The following TMEM132D variants were observed in gnomAD, a reference collection of about 807,000 sequenced individuals.
TMEM132D encodes transmembrane protein 132D.
Under a neutral mutation model 62.3 loss-of-function variants are expected in TMEM132D, and 21 were observed. The observed-to-expected ratio is 0.34, with a 90% confidence interval of 0.24 to 0.49. The LOEUF is 0.49. Ranked by LOEUF, TMEM132D falls within the 20% of genes least tolerant of loss-of-function variation. The pLI, the probability that TMEM132D is intolerant of heterozygous loss-of-function variation, is 0.99. For synonymous variants in TMEM132D, 621 were observed against 575.6 expected, an observed-to-expected ratio of 1.08 and a Z score of -1.13; for missense variants, 1,346 against 1,402.8, an observed-to-expected ratio of 0.96 and a Z score of 0.65.
chr12:129,118,710 A>G lies in TMEM132D; in HGVS notation c.1444-34008T>C, dbSNP rs550190812. Among the ~76,000 whole-genome samples, 3 of 152,322 alleles carry G rather than the reference A, an allele frequency of 2.0e-5. No homozygotes were observed. In the East Asian group the frequency reaches 5.8e-4, roughly 29 times the overall value. On this transcript the variant is annotated intron_variant, in intron 5 of 8. Coordinates refer to ENST00000422113, the MANE Select transcript of TMEM132D (RefSeq NM_133448.3). ...AATGCCCTTAGATTAATGGCCATGA[A>G]ATGAATTGAATTCATTGAATGTCCT...
chr12:129,169,934 T>G (rs1593283980), intron 5 of TMEM132D, among the ~76,000 whole-genome samples: 1 of 152,360 alleles, frequency 6.6e-6, no homozygotes, highest in Non-Finnish European at 1.5e-5. Flanking sequence ...ACTTATATTT[T>G]CTAACACATT....
chr12:129,885,605 C>T (rs1298837066), intron 1 of TMEM132D, among the ~76,000 whole-genome samples: 1 of 152,184 alleles, frequency 6.6e-6, no homozygotes, highest in Non-Finnish European at 1.5e-5. Flanking sequence ...AATGGTCTTC[C>T]CACACTACTG....
chr12:129,259,949 G>A (rs1326810272), intron 4 of TMEM132D, among the ~76,000 whole-genome samples: 2 of 152,064 alleles, frequency 1.3e-5, no homozygotes, highest in African/African-American at 4.8e-5. Flanking sequence ...GGAACCAAGT[G>A]TTTTCATTTG....
chr12:129,415,355 C>T (rs929174007), intron 3 of TMEM132D, among the ~76,000 whole-genome samples: 34 of 152,284 alleles, frequency 2.2e-4, no homozygotes, highest in African/African-American at 5.8e-4. Flanking sequence ...TTTTTGGTAA[C>T]GGCCATTCTA....
intron 2 of TMEM132D, among the ~76,000 whole-genome samples, chr12:129,543,411 CAGAT>C (rs986887175): frequency 2.6e-5 from 3 of 113,584 alleles, no homozygotes; most frequent in Non-Finnish European, 5.5e-5. Flanking sequence ...GATGGATAGA[CAGAT>C]AGATAGATAT....
intron 2 of TMEM132D, 105 bp downstream of exon 2, chr12:129,699,705 G>T: frequency 2.8e-6 from 4 of 1,413,196 alleles, no homozygotes; most frequent in South Asian, 1.4e-5. Flanking sequence ...GGGAAGGCCG[G>T]CTCTACTTCG....
rs567660403 is a variant in TMEM132D at position 129,587,799 on chromosome 12, G to C, written c.969-56594C>G. Among the ~76,000 whole-genome samples, 8 of 152,288 alleles carry C rather than the reference G, an allele frequency of 5.3e-5. No individual in the cohort carries two copies. In the South Asian group the frequency reaches 1.7e-3, roughly 32 times the overall value. On this transcript the variant is annotated intron_variant, in intron 2 of 8. Transcript: ENST00000422113. ...AAACAAACAACAAAACATACCTTCAGTGAGATCAGGATGCTGGCCAGGGGG... is the reference window on the plus strand; with the variant it reads ...AAACAAACAACAAAACATACCTTCACTGAGATCAGGATGCTGGCCAGGGGG...
chr12:129,291,651 AT>A (rs1881451909), intron 4 of TMEM132D, among the ~76,000 whole-genome samples: 1 of 152,194 alleles, frequency 6.6e-6, no homozygotes, highest in Non-Finnish European at 1.5e-5. Flanking sequence ...AGAAATATTG[AT>A]TTAGTTATTC....
At chr12:129,594,109 A>G (rs1593080488) in intron 2 of TMEM132D, among the ~76,000 whole-genome samples, 1 of 152,206 alleles carries the variant, frequency 6.6e-6, no homozygotes, top group East Asian at 1.9e-4. Flanking sequence ...TCCCTTTGAC[A>G]TGGAGGGTAC....
At chr12:129,124,026 A>G (rs1876140902) in intron 5 of TMEM132D, among the ~76,000 whole-genome samples, 1 of 152,110 alleles carries the variant, frequency 6.6e-6, no homozygotes, top group Non-Finnish European at 1.5e-5. Flanking sequence ...TTCCTATAAT[A>G]AATCTCCCCA....
intron 1 of TMEM132D, among the ~76,000 whole-genome samples, chr12:129,765,481 G>A (rs1049605938): frequency 4.0e-5 from 6 of 151,234 alleles, no homozygotes; most frequent in African/African-American, 9.7e-5. Context: ...CAGGAGAATC[G>A]CTTGAATCCA....
At chr12:129,516,359 CT>C (rs1875674589) in intron 3 of TMEM132D, among the ~76,000 whole-genome samples, 1 of 152,186 alleles carries the variant, frequency 6.6e-6, no homozygotes, top group Non-Finnish European at 1.5e-5. Context: ...TTTCATGCTG[CT>C]GATAAAGACA....
chr12:129,190,853 T>G (rs1878377012), intron 5 of TMEM132D, among the ~76,000 whole-genome samples: 1 of 152,150 alleles, frequency 6.6e-6, no homozygotes, highest in African/African-American at 2.4e-5. Context: ...GCCCATATCC[T>G]AGCTCTCTGT....
intron 3 of TMEM132D, among the ~76,000 whole-genome samples, chr12:129,481,901 T>A (rs1874440636): frequency 6.6e-6 from 1 of 152,130 alleles, no homozygotes; most frequent in South Asian, 2.1e-4. Flanking sequence ...TACACACACA[T>A]TGGTATTGGG....
Position 129,530,990 on chromosome 12 carries a change from G to GAAAAAAA in TMEM132D, c.1115+62_1115+68dup, listed in dbSNP as rs71082733. 4,336 of 1,266,248 alleles carry GAAAAAAA rather than the reference G, an allele frequency of 3.4e-3. 23 individuals are homozygous for GAAAAAAA. Among genetic ancestry groups the GAAAAAAA allele is most frequent in the African/African-American group, 6.5e-3 (409 of 63,002 alleles). 78.4% of individuals were successfully genotyped at this position (1,266,248 alleles called of 1,614,324 possible). A position where few individuals can be genotyped will look rare whatever the true frequency, so the allele number is the denominator to read the frequency against. ...GTGGAAATGGTTGTTAGCAATCTAG[G>GAAAAAAA]AAAAAAAAAAAAAAATCAGGCCACA... On this transcript the variant is annotated intron_variant, in intron 3 of 8. Transcript: ENST00000422113.
At chr12:129,310,145 C>T (rs1881938193) in intron 4 of TMEM132D, among the ~76,000 whole-genome samples, 1 of 152,136 alleles carries the variant, frequency 6.6e-6, no homozygotes, top group South Asian at 2.1e-4. Context: ...TGATTCACAA[C>T]TGTGCGTGAT....
chr12:129,486,002 C>T (rs561302107), intron 3 of TMEM132D, among the ~76,000 whole-genome samples: 10 of 152,212 alleles, frequency 6.6e-5, no homozygotes, highest in African/African-American at 1.2e-4. Flanking sequence ...TGTCCAACAG[C>T]GAGAGCTGCT....
chr12:129,626,606 T>C lies in TMEM132D; in HGVS notation c.968+73204A>G, dbSNP rs146803394. ...CCGAGTAGCTGCGATTACAGGCACC[T>C]GCCACCATGCCCCACTAATTTTGTA... On this transcript the variant is annotated intron_variant, in intron 2 of 8. Transcript: ENST00000422113. Among the ~76,000 whole-genome samples the C allele has an allele frequency of 1.5e-3, 222 of 152,160 alleles. 1 individual carries two copies. The highest frequency in any genetic ancestry group is 5.1e-3 in the African/African-American group (211 of 41,524).
chr12:129,452,744 G>A (rs971302132), intron 3 of TMEM132D, among the ~76,000 whole-genome samples: 5 of 151,974 alleles, frequency 3.3e-5, no homozygotes, highest in Admixed American at 6.6e-5. Context: ...CAGAGAAAAG[G>A]GTAGGCAGAA....
Sources: allele counts gnomAD v4.1 joint callset (sites outside exome capture counted in the v4.1 genomes callset), GRCh38; gene constraint gnomAD v4.1.1; transcripts MANE v1.5; gene names NCBI Gene and HGNC (gene_info 2026-07-23, HGNC 2026-07-21).